RASAL2: variants seen among roughly 807,000 people sequenced by gnomAD.
The protein encoded by RASAL2 is ras GTPase-activating protein nGAP.
RASAL2 carries 58 observed loss-of-function variants against 128.9 expected under a neutral mutation model. The ratio of observed to expected loss-of-function variants is 0.45; its 90% CI spans 0.36 to 0.56. RASAL2 has a LOEUF of 0.56. Among genes scored for constraint, RASAL2 ranks in the 20% least tolerant of loss-of-function variants. The pLI is 0.00. For missense variants in RASAL2, 1,360 were observed against 1,601.6 expected (o/e 0.85, Z 2.57); for synonymous variants, 561 against 580.8 (o/e 0.97, Z 0.49).
intron 1 of RASAL2, 62 bp from the exon 2 acceptor site, chr1:178,283,502 A>C: frequency 6.4e-7 from 1 of 1,556,622 alleles, no homozygotes; most frequent in South Asian, 1.2e-5. Flanking sequence ...TTACATTTGA[A>C]ATACTGGTTT....
chr1:178,412,984 T>C (rs531400786), intron 4 of RASAL2, among the ~76,000 whole-genome samples: 1 of 151,848 alleles, frequency 6.6e-6, no homozygotes, highest in Admixed American at 6.6e-5. Flanking sequence ...CTTTCTTTCT[T>C]TTTCTTTCTT....
At chr1:178,263,671 G>C (rs548602570) in intron 1 of RASAL2, among the ~76,000 whole-genome samples, 1 of 152,074 alleles carries the variant, frequency 6.6e-6, no homozygotes, top group Admixed American at 6.5e-5. Context: ...GTTTGACTCT[G>C]AGCCTCCCTT....
chr1:178,258,048 A>G (rs1665465313), intron 1 of RASAL2, among the ~76,000 whole-genome samples: 1 of 152,130 alleles, frequency 6.6e-6, no homozygotes, highest in Non-Finnish European at 1.5e-5. Flanking sequence ...TAATCCCAGC[A>G]CTTTGGGAGG....
intron 1 of RASAL2, among the ~76,000 whole-genome samples, chr1:178,192,909 T>C (rs1662538880): frequency 6.6e-6 from 1 of 152,136 alleles, no homozygotes; most frequent in Admixed American, 6.6e-5. Context: ...GCATTACTTC[T>C]TGGGTATGTG....
At chr1:178,223,649 G>A (rs1663691717) in intron 1 of RASAL2, among the ~76,000 whole-genome samples, 2 of 152,146 alleles carry the variant, frequency 1.3e-5, no homozygotes, top group Admixed American at 1.3e-4. Context: ...ATTTTGAAAA[G>A]ATTATTCTGA....
chr1:178,471,231 A>G (rs114423440), intron 17 of RASAL2, among the ~76,000 whole-genome samples: 3,531 of 152,252 alleles, frequency 0.023, 62 homozygotes, highest in Middle Eastern at 0.058. Context: ...TCAAGAAATT[A>G]TCAGTTACTC....
intron 1 of RASAL2, among the ~76,000 whole-genome samples, chr1:178,100,361 CAAA>C (rs11300878): frequency 7.0e-5 from 10 of 143,004 alleles, no homozygotes; most frequent in Non-Finnish European, 3.1e-5. Context: ...ACTATAAATA[CAAA>C]AAAAAAAAAA....
chr1:178,123,603 T>TCA (rs1659790229), intron 1 of RASAL2: 1 of 152,252 alleles, frequency 6.6e-6, no homozygotes, highest in Non-Finnish European at 1.5e-5. Flanking sequence ...CTTCCAGATG[T>TCA]CAGGTTTTCT....
chr1:178,378,063 T>A (rs1380111460), intron 3 of RASAL2, among the ~76,000 whole-genome samples: 4 of 151,044 alleles, frequency 2.6e-5, no homozygotes, highest in Admixed American at 2.0e-4. Flanking sequence ...GAAAATACAG[T>A]AAGATGGTAA....
chr1:178,141,310 G>C (rs986893986), intron 1 of RASAL2, among the ~76,000 whole-genome samples: 1 of 150,498 alleles, frequency 6.6e-6, no homozygotes, highest in African/African-American at 2.4e-5. Context: ...CGAATGCCTG[G>C]GGTTTATATC....
At chr1:178,407,829 C>T (rs1674089296) in intron 4 of RASAL2, among the ~76,000 whole-genome samples, 1 of 152,148 alleles carries the variant, frequency 6.6e-6, no homozygotes, top group African/African-American at 2.4e-5. Context: ...AGGCATTGTC[C>T]CTTATTACCC....
At chr1:178,254,552 A>G (rs2102100455) in intron 1 of RASAL2, among the ~76,000 whole-genome samples, 4 of 152,350 alleles carry the variant, frequency 2.6e-5, no homozygotes, top group Admixed American at 2.6e-4. Context: ...ACTTAGAAAA[A>G]TATGCTAAGA....
chr1:178,105,476 T>C (rs1217852620), intron 1 of RASAL2, among the ~76,000 whole-genome samples: 1 of 152,148 alleles, frequency 6.6e-6, no homozygotes, highest in Non-Finnish European at 1.5e-5. Context: ...GAAAAAATAA[T>C]CCCTTATCCA....
At chr1:178,219,437 C>G (rs1571649723) in intron 1 of RASAL2, among the ~76,000 whole-genome samples, 1 of 151,978 alleles carries the variant, frequency 6.6e-6, no homozygotes, top group Non-Finnish European at 1.5e-5. Context: ...CGCTTGAGCT[C>G]TGGGTTTGAG....
At chr1:178,182,808 C>T (rs914116149) in intron 1 of RASAL2, among the ~76,000 whole-genome samples, 1 of 145,828 alleles carries the variant, frequency 6.9e-6, no homozygotes, top group African/African-American at 2.5e-5. Flanking sequence ...CAGCAGTCCC[C>T]AACCTTTTTG....
chr1:178,320,957 C>G (rs1668742391), intron 3 of RASAL2, among the ~76,000 whole-genome samples: 1 of 152,214 alleles, frequency 6.6e-6, no homozygotes, highest in African/African-American at 2.4e-5. Flanking sequence ...CGGTAACAAG[C>G]ACATTCTAAG....
intron 3 of RASAL2, among the ~76,000 whole-genome samples, chr1:178,373,503 T>A (rs1228335868): frequency 6.6e-6 from 1 of 151,838 alleles, no homozygotes; most frequent in African/African-American, 2.4e-5. Flanking sequence ...TACATACACA[T>A]AGAGAAACAT....
intron 1 of RASAL2, among the ~76,000 whole-genome samples, chr1:178,100,640 G>A (rs1043698027): frequency 6.6e-6 from 1 of 152,124 alleles, no homozygotes; most frequent in Non-Finnish European, 1.5e-5. Context: ...GCTTTACCAA[G>A]ATTATTAAGG....
chr1:178,096,420 A>T (rs554066024), intron 1 of RASAL2, among the ~76,000 whole-genome samples: 1 of 151,934 alleles, frequency 6.6e-6, no homozygotes, highest in South Asian at 2.1e-4. Context: ...GTTGTTTTGT[A>T]GTCCATTCCT....
Sources: allele counts gnomAD v4.1 joint callset (sites outside exome capture counted in the v4.1 genomes callset), GRCh38; gene constraint gnomAD v4.1.1; transcripts MANE v1.5; gene names NCBI Gene and HGNC (gene_info 2026-07-23, HGNC 2026-07-21).